Variants in PTPRD observed in about 807,000 individuals in gnomAD.
PTPRD encodes receptor-type tyrosine-protein phosphatase delta.
A neutral mutation model predicts 214.5 loss-of-function variants in PTPRD; 34 were observed. The observed-to-expected ratio is 0.16, with a 90% CI of 0.12 to 0.21. The LOEUF is 0.21. Among genes scored for constraint, PTPRD ranks in the 10% least tolerant of loss-of-function variants. The pLI, the probability that PTPRD is intolerant of heterozygous loss-of-function variation, is 1.00. For synonymous variants in PTPRD, 1,128 were observed against 845.7 expected, an observed-to-expected ratio of 1.33 and a Z score of -5.79; for missense variants, 2,545 against 2,398.7, an observed-to-expected ratio of 1.06 and a Z score of -1.27.
intron 3 of PTPRD, among the ~76,000 whole-genome samples, chr9:10,302,462 A>G (rs1168749700): frequency 6.6e-6 from 1 of 152,256 alleles, no homozygotes; most frequent in Non-Finnish European, 1.5e-5. Flanking sequence ...TTAAAGACAC[A>G]GACTGGCAAA....
intron 3 of PTPRD, among the ~76,000 whole-genome samples, chr9:10,277,782 G>A (rs2094803369): frequency 6.6e-6 from 1 of 152,090 alleles, no homozygotes; most frequent in African/African-American, 2.4e-5. Flanking sequence ...GGAGTTACAT[G>A]AAAACTAAAT....
At chr9:9,128,048 C>G (rs1006143124) in intron 10 of PTPRD, among the ~76,000 whole-genome samples, 1 of 152,124 alleles carries the variant, frequency 6.6e-6, no homozygotes, top group Non-Finnish European at 1.5e-5. Context: ...CTTACCAATA[C>G]TGTACTTTTT....
chr9:9,848,880 T>G (rs1407080823), intron 5 of PTPRD, among the ~76,000 whole-genome samples: 1 of 152,092 alleles, frequency 6.6e-6, no homozygotes, highest in Non-Finnish European at 1.5e-5. Flanking sequence ...AATAACATAC[T>G]TTAAATTTCT....
At chr9:9,976,845 T>A (rs2095374015) in intron 4 of PTPRD, among the ~76,000 whole-genome samples, 1 of 151,990 alleles carries the variant, frequency 6.6e-6, no homozygotes, top group African/African-American at 2.4e-5. Flanking sequence ...GAGTGATAAA[T>A]AATAACAAGT....
intron 10 of PTPRD, among the ~76,000 whole-genome samples, chr9:9,118,660 C>A (rs2099814593): frequency 6.6e-6 from 1 of 152,110 alleles, no homozygotes; most frequent in Admixed American, 6.5e-5. Flanking sequence ...ATTGAGACGA[C>A]AGGGTTTTGC....
At chr9:8,508,605 T>G (rs1194650888) in intron 21 of PTPRD, among the ~76,000 whole-genome samples, 2 of 152,128 alleles carry the variant, frequency 1.3e-5, no homozygotes, top group Admixed American at 1.3e-4. Flanking sequence ...TAATACTTCA[T>G]AGCAGAGGAG....
chr9:9,066,231 G>C (rs1027970951), intron 10 of PTPRD, among the ~76,000 whole-genome samples: 3 of 152,072 alleles, frequency 2.0e-5, no homozygotes, highest in African/African-American at 7.2e-5. Flanking sequence ...GGAAGATTTT[G>C]TGTAGGATCG....
intron 2 of PTPRD, among the ~76,000 whole-genome samples, chr9:10,505,705 A>C (rs2045706457): frequency 6.6e-6 from 1 of 152,046 alleles, no homozygotes; most frequent in Non-Finnish European, 1.5e-5. Flanking sequence ...AAAAAACTGC[A>C]GATTAAACCC....
At chr9:8,352,285 G>C (rs561189335) in intron 39 of PTPRD, among the ~76,000 whole-genome samples, 1 of 152,128 alleles carries the variant, frequency 6.6e-6, no homozygotes, top group South Asian at 2.1e-4. Context: ...CAGATGGATA[G>C]AACAGGCCAT....
intron 8 of PTPRD, chr9:9,414,765 T>C (rs2076513698): frequency 6.6e-6 from 1 of 152,208 alleles, no homozygotes; most frequent in South Asian, 2.1e-4. Context: ...GTAGCTATCA[T>C]CTCCCAATCT....
intron 11 of PTPRD, among the ~76,000 whole-genome samples, chr9:8,805,043 C>T (rs1042747930): frequency 6.6e-6 from 1 of 152,242 alleles, no homozygotes; most frequent in Middle Eastern, 3.4e-3. Flanking sequence ...TAGAAATTCC[C>T]ATGGAACTTC....
chr9:8,738,596 A>G (rs1316302324), intron 11 of PTPRD, among the ~76,000 whole-genome samples: 1 of 152,230 alleles, frequency 6.6e-6, no homozygotes, highest in Middle Eastern at 3.4e-3. Context: ...CTATCAGCTA[A>G]ATGTAGGGAA....
intron 8 of PTPRD, among the ~76,000 whole-genome samples, chr9:9,476,954 C>T (rs894794303): frequency 6.6e-6 from 1 of 151,968 alleles, no homozygotes; most frequent in Non-Finnish European, 1.5e-5. Flanking sequence ...AGGGTAGTCT[C>T]GAACTCCCAA....
chr9:8,849,740 G>C (rs1228965064), intron 11 of PTPRD, among the ~76,000 whole-genome samples: 2 of 152,184 alleles, frequency 1.3e-5, no homozygotes, highest in African/African-American at 2.4e-5. Context: ...CAAGGGCAGA[G>C]TATCACAGGG....
chr9:8,878,990 T>A (rs1463776128), intron 11 of PTPRD, among the ~76,000 whole-genome samples: 2 of 152,240 alleles, frequency 1.3e-5, no homozygotes, highest in East Asian at 3.8e-4. Context: ...CAGGCTTTCC[T>A]GGTCAGTAAC....
At chr9:8,661,273 T>C (rs1299600534) in intron 12 of PTPRD, among the ~76,000 whole-genome samples, 2 of 152,128 alleles carry the variant, frequency 1.3e-5, no homozygotes, top group African/African-American at 2.4e-5. Context: ...CTCTTCATCA[T>C]GGTCAATACA....
chr9:9,393,259 C>T lies in PTPRD; in HGVS notation c.-203+4190G>A, dbSNP rs774705008. Among the ~76,000 whole-genome samples the T allele has an allele frequency of 5.9e-5, 9 of 152,120 alleles. No homozygotes were observed. In the South Asian group the frequency reaches 8.3e-4, roughly 14 times the overall value. On this transcript the variant is annotated intron_variant, in intron 9 of 45. Transcript: ENST00000381196. The stretch of plus-strand genomic sequence containing the variant: ...GTATACTTGTCATCTTTCTCATTAA[C>T]TCTGGGTTTGTTCATATAACTTATT...
chr9:10,170,904 T>A (rs2099199562), intron 3 of PTPRD, among the ~76,000 whole-genome samples: 2 of 152,128 alleles, frequency 1.3e-5, no homozygotes, highest in South Asian at 2.1e-4. Context: ...GAACACTGAT[T>A]CAAGAACACA....
At chr9:9,707,999 G>A (rs1271191558) in intron 7 of PTPRD, among the ~76,000 whole-genome samples, 1 of 151,666 alleles carries the variant, frequency 6.6e-6, no homozygotes, top group East Asian at 1.9e-4. Flanking sequence ...TTAGAAATAC[G>A]AGATAAAAAC....
Sources: gnomAD v4.1 joint callset for allele counts (sites outside exome capture counted in the v4.1 genomes callset) on GRCh38, gnomAD v4.1.1 for gene constraint, MANE v1.5 for transcripts, NCBI Gene and HGNC (gene_info 2026-07-23, HGNC 2026-07-21) for gene names.